The following FBXL17 variants were observed in gnomAD, a reference collection of about 807,000 sequenced individuals.
FBXL17 encodes F-box and leucine rich repeat protein 17.
Under a neutral mutation model 66.2 loss-of-function variants are expected in FBXL17, and 22 were observed. The observed-to-expected ratio is 0.33, with a 90% confidence interval of 0.24 to 0.47. The LOEUF (loss-of-function observed/expected upper bound fraction) is 0.47, where lower values mean the gene tolerates loss of function less well. FBXL17 is among the 20% of genes least tolerant of loss of function. FBXL17 has a pLI of 1.00. For synonymous variants in FBXL17, 474 were observed against 400.5 expected (o/e 1.18, Z -2.19); for missense variants, 878 against 948.2 (o/e 0.93, Z 0.97).
Position 108,148,604 on chromosome 5 carries a change from GA to G in FBXL17, c.1745+37512del, listed in dbSNP as rs1041594857. Among the ~76,000 whole-genome samples the G allele has an allele frequency of 7.9e-4, 120 of 152,190 alleles. 1 individual carries two copies. The highest frequency in any genetic ancestry group is 2.8e-3 in the African/African-American group (116 of 41,528). On this transcript the variant is annotated intron_variant, in intron 6 of 8. Transcript: ENST00000542267. ...CACAGTATGATTACATCTATATAAA[GA>G]AACAAAAATAGGCAAAACGTAATTA...
intron 5 of FBXL17, among the ~76,000 whole-genome samples, chr5:108,219,306 A>G (rs1754744721): frequency 1.2e-3 from 1 of 844 alleles, no homozygotes. Flanking sequence ...TATTCAAGTT[A>G]TTATTTCTTC....
At chr5:108,224,758 G>GT (rs1000443670) in intron 4 of FBXL17, among the ~76,000 whole-genome samples, 8 of 151,030 alleles carry the variant, frequency 5.3e-5, no homozygotes, top group African/African-American at 1.7e-4. Context: ...CACCCAACTA[G>GT]TTTTTTTGGT....
intron 7 of FBXL17, among the ~76,000 whole-genome samples, chr5:108,010,386 G>A (rs771048602): frequency 1.3e-5 from 2 of 152,156 alleles, no homozygotes; most frequent in African/African-American, 2.4e-5. Flanking sequence ...AAATGTGTCT[G>A]GGGATTAAGT....
chr5:107,920,056 T>G (rs1229655653), intron 7 of FBXL17, among the ~76,000 whole-genome samples: 5 of 152,186 alleles, frequency 3.3e-5, no homozygotes, highest in African/African-American at 1.2e-4. Context: ...ACTTAAAACT[T>G]AAGCAAAACA....
intron 7 of FBXL17, among the ~76,000 whole-genome samples, chr5:107,885,899 T>C (rs1253864919): frequency 5.3e-5 from 8 of 152,034 alleles, no homozygotes; most frequent in South Asian, 2.1e-4. Flanking sequence ...GCTCTTTTTA[T>C]ATAGCTTTGA....
In FBXL17 at chr5:107,865,569, T is replaced by C. The variant is rs115179533; in HGVS notation, c.1966-3709A>G. Among the ~76,000 whole-genome samples the C allele has an allele frequency of 4.6e-3, 701 of 152,322 alleles. 7 individuals are homozygous for C. The highest frequency in any genetic ancestry group is 0.01 in the Middle Eastern group (3 of 294). On this transcript the variant is annotated intron_variant, in intron 8 of 8. Transcript: ENST00000542267. The stretch of plus-strand genomic sequence containing the variant: ...GGCTTTCATAGGTTTGGGGTAAGAA[T>C]AGACAATAATTTGACTTTGTGTAAC...
At chr5:107,925,354 T>A (rs1169789970) in intron 7 of FBXL17, among the ~76,000 whole-genome samples, 3 of 152,256 alleles carry the variant, frequency 2.0e-5, no homozygotes, top group Non-Finnish European at 2.9e-5. Flanking sequence ...TCCTGCTTTA[T>A]GTTGTAGTTT....
chr5:107,947,875 C>T (rs939576144), intron 7 of FBXL17, among the ~76,000 whole-genome samples: 4 of 152,116 alleles, frequency 2.6e-5, no homozygotes, highest in Non-Finnish European at 5.9e-5. Context: ...CTCTCTTTTA[C>T]CTCCTTCCAC....
intron 6 of FBXL17, among the ~76,000 whole-genome samples, chr5:108,049,516 C>T (rs1362806298): frequency 1.3e-5 from 2 of 152,074 alleles, no homozygotes; most frequent in Non-Finnish European, 2.9e-5. Flanking sequence ...TAAATAATAT[C>T]CTTTCCAGAC....
chr5:108,163,399 C>CTTTTTTTTTTTTT (rs764052812), intron 6 of FBXL17, among the ~76,000 whole-genome samples: 12 of 129,556 alleles, frequency 9.3e-5, no homozygotes, highest in East Asian at 2.2e-4. Context: ...TTTTTTTTTT[C>CTTTTTTTTTTTTT]TTTTTTTTTT....
chr5:108,143,379 A>T (rs1332948257), intron 6 of FBXL17, among the ~76,000 whole-genome samples: 1 of 152,072 alleles, frequency 6.6e-6, no homozygotes, highest in Non-Finnish European at 1.5e-5. Flanking sequence ...ACACACATAT[A>T]CAAATAACAT....
intron 7 of FBXL17, 101 bp from the exon 8 acceptor site, chr5:107,881,280 A>C (rs1262279552): frequency 2.8e-6 from 2 of 701,774 alleles, no homozygotes; most frequent in African/African-American, 3.5e-5. Context: ...TTTGTTCCTG[A>C]AATTTTGTGT....
In FBXL17 at chr5:107,922,922, A is replaced by G. The variant is rs570519843; in HGVS notation, c.1823-41743T>C. Among the ~76,000 whole-genome samples, 7 of 152,336 alleles carry G rather than the reference A, an allele frequency of 4.6e-5. No homozygotes were observed. In the South Asian group the frequency reaches 1.2e-3, roughly 27 times the overall value. ...ATACTGTAGTGGGTCATAAAGCATTACAATTTTTTCTTTCATTCTGTGTTT... is the reference window on the plus strand; with the variant it reads ...ATACTGTAGTGGGTCATAAAGCATTGCAATTTTTTCTTTCATTCTGTGTTT... On this transcript the variant is annotated intron_variant, in intron 7 of 8. Transcript: ENST00000542267.
At chr5:108,166,689 A>G (rs545566150) in intron 6 of FBXL17, among the ~76,000 whole-genome samples, 7 of 152,332 alleles carry the variant, frequency 4.6e-5, no homozygotes, top group Admixed American at 1.3e-4. Flanking sequence ...GCTTGCTGGC[A>G]GAAGGCTAAA....
At position 108,259,149 on chromosome 5, in the gene FBXL17, C is replaced by T. The variant is rs12658870; in HGVS notation, c.1507-34921G>A. Reference sequence around the variant, plus strand: ...TGAAGAAAAGACAGCACAAACAATACTGTTTTTCAAGCTATGAGAATCAGG... The same window carrying T: ...TGAAGAAAAGACAGCACAAACAATATTGTTTTTCAAGCTATGAGAATCAGG... On this transcript the variant is annotated intron_variant, in intron 4 of 8. Coordinates refer to ENST00000542267, the MANE Select transcript of FBXL17 (RefSeq NM_001163315.3). Among the ~76,000 whole-genome samples, 93 of 152,166 alleles carry T rather than the reference C, an allele frequency of 6.1e-4. 2 individuals are homozygous for T. In the East Asian group the frequency reaches 0.017, roughly 28 times the overall value.
intron 6 of FBXL17, among the ~76,000 whole-genome samples, chr5:108,159,219 C>T (rs757410476): frequency 5.9e-5 from 9 of 152,168 alleles, no homozygotes; most frequent in Non-Finnish European, 8.8e-5. Flanking sequence ...CTAAGCCAAA[C>T]GACTTTCCTT....
intron 6 of FBXL17, among the ~76,000 whole-genome samples, chr5:108,095,526 G>C (rs1749334195): frequency 6.6e-6 from 1 of 152,010 alleles, no homozygotes; most frequent in Non-Finnish European, 1.5e-5. Context: ...CAGTTGAGTA[G>C]CTAATTAAAT....
chr5:108,224,624 C>T (rs1047688478), intron 4 of FBXL17, among the ~76,000 whole-genome samples: 1 of 152,006 alleles, frequency 6.6e-6, no homozygotes, highest in African/African-American at 2.4e-5. Context: ...CAGAGACTCA[C>T]TGTGTTGCCC....
At chr5:107,870,278 G>A (rs1241835064) in intron 8 of FBXL17, among the ~76,000 whole-genome samples, 2 of 152,230 alleles carry the variant, frequency 1.3e-5, no homozygotes, top group African/African-American at 4.8e-5. Flanking sequence ...ACACCTCTGA[G>A]CTAGAGGTTC....
Sources: gnomAD v4.1 joint callset for allele counts (sites outside exome capture counted in the v4.1 genomes callset) on GRCh38, gnomAD v4.1.1 for gene constraint, MANE v1.5 for transcripts, NCBI Gene and HGNC (gene_info 2026-07-23, HGNC 2026-07-21) for gene names.